STAM2: variants seen among roughly 807,000 people sequenced by gnomAD.
STAM2 encodes signal transducing adaptor molecule 2.
In STAM2, 51 loss-of-function variants were observed where a neutral mutation model predicts 65.6. That is an observed-to-expected ratio of 0.78 (90% confidence interval 0.62 to 0.98). The LOEUF is 0.98. STAM2 is among the 50% of genes least tolerant of loss of function. The pLI is 0.00. For synonymous variants in STAM2, 198 were observed against 208.4 expected, an observed-to-expected ratio of 0.95 and a Z score of 0.43; for missense variants, 584 against 617.8, an observed-to-expected ratio of 0.95 and a Z score of 0.58.
chr2:152,166,636 G>A (rs760932978), intron 1 of STAM2, among the ~76,000 whole-genome samples: 12 of 151,890 alleles, frequency 7.9e-5, no homozygotes, highest in Non-Finnish European at 1.5e-4. Context: ...TTCATTATCA[G>A]GTAACTTAAG....
chr2:152,134,734 C>G (rs1407904255), intron 8 of STAM2, among the ~76,000 whole-genome samples: 1 of 152,076 alleles, frequency 6.6e-6, no homozygotes, highest in African/African-American at 2.4e-5. Context: ...CTCACAGAAC[C>G]GTGAGATTGA....
At chr2:152,168,322 G>A (rs1579337819) in intron 1 of STAM2, among the ~76,000 whole-genome samples, 1 of 152,152 alleles carries the variant, frequency 6.6e-6, no homozygotes, top group East Asian at 1.9e-4. Flanking sequence ...CACATGTCCG[G>A]CTAATTTTTG....
chr2:152,144,339 TA>T (rs573711284), intron 6 of STAM2, among the ~76,000 whole-genome samples: 27 of 152,100 alleles, frequency 1.8e-4, no homozygotes, highest in African/African-American at 6.5e-4. Flanking sequence ...ACTTTGGCAT[TA>T]AAAAAAGGTG....
At position 152,175,700 on chromosome 2, in the gene STAM2, C is replaced by T. The variant is rs1690007561; in HGVS notation, c.-58G>A. 8 of 1,569,404 alleles carry T rather than the reference C, an allele frequency of 5.1e-6. No homozygotes were observed. The highest frequency in any genetic ancestry group is 1.2e-5 in the South Asian group (1 of 86,678). On this transcript the variant is annotated 5_prime_UTR_variant, in exon 1 of 14. Coordinates refer to ENST00000263904, the MANE Select transcript of STAM2 (RefSeq NM_005843.6). ...CTAGCTGACACTCAGCAACTGCTACCCGCCGGGTGACCCGCGGCCGCGGCT... is the reference window on the plus strand; with the variant it reads ...CTAGCTGACACTCAGCAACTGCTACTCGCCGGGTGACCCGCGGCCGCGGCT...
intron 12 of STAM2, 147 bp downstream of exon 12, chr2:152,126,079 T>C: frequency 1.5e-6 from 1 of 649,460 alleles, no homozygotes; most frequent in Non-Finnish European, 2.3e-6. Context: ...GTTAATTGTT[T>C]AGCCAATATT....
At chr2:152,124,254 ACAGAAAAC>A in intron 12 of STAM2, 1 of 234,132 alleles carries the variant, frequency 4.3e-6, no homozygotes, top group South Asian at 7.2e-5. Flanking sequence ...CTGTAGAGCC[ACAGAAAAC>A]TATACACTCC....
chr2:152,141,605 T>G lies in STAM2; in HGVS notation c.704+2222A>C, dbSNP rs540575118. Among the ~76,000 whole-genome samples, 213 of 151,790 alleles carry G rather than the reference T, an allele frequency of 1.4e-3. 1 individual carries two copies. The highest frequency in any genetic ancestry group is 3.4e-3 in the Middle Eastern group (1 of 294). On this transcript the variant is annotated intron_variant, in intron 7 of 13. Coordinates refer to ENST00000263904, the MANE Select transcript of STAM2 (RefSeq NM_005843.6). Reference sequence around the variant, plus strand: ...TTTTTGTTTGTTTGTTTGTTTGTTTTTTTGAGACAGAGTCTCGCTCTGTCG... The same window carrying G: ...TTTTTGTTTGTTTGTTTGTTTGTTTGTTTGAGACAGAGTCTCGCTCTGTCG...
chr2:152,136,642 TAC>T (rs1307517485), intron 7 of STAM2, among the ~76,000 whole-genome samples: 2 of 152,078 alleles, frequency 1.3e-5, no homozygotes, highest in African/African-American at 2.4e-5. Context: ...TGCTAATCCA[TAC>T]AGACCTTTTT....
At chr2:152,154,663 G>A (rs1236766458) in intron 1 of STAM2, among the ~76,000 whole-genome samples, 2 of 152,050 alleles carry the variant, frequency 1.3e-5, no homozygotes, top group African/African-American at 2.4e-5. Context: ...TGACACTAAT[G>A]GAACTCCCTT....
intron 6 of STAM2, 142 bp from the exon 7 acceptor site, chr2:152,144,155 G>A (rs1456089387): frequency 1.6e-6 from 1 of 634,644 alleles, no homozygotes; most frequent in Non-Finnish European, 2.6e-6. Context: ...CGGGAGGGTG[G>A]GGCAGGGCAG....
intron 7 of STAM2, among the ~76,000 whole-genome samples, chr2:152,140,283 T>G (rs1347931898): frequency 6.6e-6 from 1 of 152,144 alleles, no homozygotes; most frequent in Non-Finnish European, 1.5e-5. Context: ...GAAATAAAAA[T>G]GACATTTTGC....
intron 11 of STAM2, among the ~76,000 whole-genome samples, chr2:152,129,438 C>T (rs1689019185): frequency 6.6e-6 from 1 of 152,148 alleles, no homozygotes; most frequent in Admixed American, 6.5e-5. Flanking sequence ...GGTGTGAGCC[C>T]CCACACTGGC....
At chr2:152,122,340 CCTTAAGCCCG>C (rs1408521861) in intron 13 of STAM2, among the ~76,000 whole-genome samples, 2 of 151,614 alleles carry the variant, frequency 1.3e-5, no homozygotes, top group African/African-American at 4.8e-5. Context: ...TTGGAAGATC[CCTTAAGCCCG>C]GGAGTTGGAG....
At position 152,143,761 on chromosome 2, in the gene STAM2, G is replaced by A. The variant is rs575786267; in HGVS notation, c.704+66C>T. Reference sequence around the variant, plus strand: ...TAAATACACTAAAAGTCAAAGAACTGAATACTCTGGATTCTAAATTAAGGG... The same window carrying A: ...TAAATACACTAAAAGTCAAAGAACTAAATACTCTGGATTCTAAATTAAGGG... On this transcript the variant is annotated intron_variant, in intron 7 of 13. Transcript: ENST00000263904. 1.6e-4 allele frequency: 210 copies of A among 1,291,028 alleles called. 1 individual carries two copies. The South Asian group carries it at 2.8e-3, about 17-fold the overall frequency. 80.0% of individuals were successfully genotyped at this position (1,291,028 alleles called of 1,614,324 possible). A position where few individuals can be genotyped will look rare whatever the true frequency, so the allele number is the denominator to read the frequency against.
At chr2:152,173,368 A>ATACATATATATATATATG (rs1560227631) in intron 1 of STAM2, among the ~76,000 whole-genome samples, 9 of 147,434 alleles carry the variant, frequency 6.1e-5, no homozygotes, top group Admixed American at 1.4e-4. Flanking sequence ...ACACACATAT[A>ATACATATATATATATATG]TATACATATA....
At chr2:152,151,589 CAACT>C (rs1485133618) in intron 1 of STAM2, among the ~76,000 whole-genome samples, 1 of 152,186 alleles carries the variant, frequency 6.6e-6, no homozygotes, top group East Asian at 1.9e-4. Context: ...TAGAGTTGTA[CAACT>C]AACACCAGTA....
chr2:152,140,146 C>T (rs1689218884), intron 7 of STAM2, among the ~76,000 whole-genome samples: 2 of 152,148 alleles, frequency 1.3e-5, no homozygotes, highest in African/African-American at 4.8e-5. Context: ...AAGAAGAGAA[C>T]TCTTAACTCC....
In STAM2 at chr2:152,144,146, G is replaced by C. The variant is rs551961676; in HGVS notation, c.518-133C>G. The stretch of plus-strand genomic sequence containing the variant: ...TAATTACATGCTACAGTTAACTTTC[G>C]GGAGGGTGGGGCAGGGCAGGGAACC... On this transcript the variant is annotated intron_variant, in intron 6 of 13. Transcript: ENST00000263904. 4.5e-5 allele frequency: 32 copies of C among 717,130 alleles called. 1 individual carries two copies. In the South Asian group the frequency reaches 5.8e-4, roughly 13 times the overall value. 44.4% of individuals were successfully genotyped at this position (717,130 alleles called of 1,614,324 possible).
chr2:152,131,930 T>A (rs1185315893), intron 11 of STAM2, 184 bp downstream of exon 11: 7 of 561,294 alleles, frequency 1.2e-5, no homozygotes, highest in Non-Finnish European at 2.2e-5. Context: ...AGCTTGTTTT[T>A]TAGAAAAACA....
Sources: gnomAD v4.1 joint callset for allele counts (sites outside exome capture counted in the v4.1 genomes callset) on GRCh38, gnomAD v4.1.1 for gene constraint, MANE v1.5 for transcripts, NCBI Gene and HGNC (gene_info 2026-07-23, HGNC 2026-07-21) for gene names.